Variants in RELN observed in about 807,000 individuals in gnomAD.
RELN encodes the protein reelin.
Under a neutral mutation model 427.6 loss-of-function variants are expected in RELN, and 108 were observed. That is an observed-to-expected ratio of 0.25 (90% CI 0.22 to 0.30). The LOEUF (loss-of-function observed/expected upper bound fraction) is 0.30, where lower values mean the gene tolerates loss of function less well. Among genes scored for constraint, RELN ranks in the 10% least tolerant of loss-of-function variants. The pLI is 1.00. For synonymous variants in RELN, 1,524 were observed against 1,513.4 expected (o/e 1.01, Z -0.16); for missense variants, 3,715 against 4,302.8 (o/e 0.86, Z 3.82).
intron 1 of RELN, among the ~76,000 whole-genome samples, chr7:103,927,973 A>T (rs1795783098): frequency 6.6e-6 from 1 of 151,936 alleles, no homozygotes; most frequent in Admixed American, 6.6e-5. Flanking sequence ...AGTAAATCTT[A>T]ATCTACCCTT....
intron 54 of RELN, 27 bp downstream of exon 54, chr7:103,498,050 G>A: frequency 6.2e-7 from 1 of 1,612,096 alleles, no homozygotes; most frequent in Non-Finnish European, 8.5e-7. Context: ...TGGTGCAATA[G>A]AAATAACTAA....
chr7:103,708,914 C>T (rs761233547), intron 8 of RELN, among the ~76,000 whole-genome samples: 13 of 152,054 alleles, frequency 8.5e-5, no homozygotes, highest in Non-Finnish European at 1.6e-4. Flanking sequence ...TTTATTACTC[C>T]CTGACATGTC....
intron 45 of RELN, among the ~76,000 whole-genome samples, chr7:103,537,710 T>C (rs362741): frequency 0.049 from 7,498 of 152,224 alleles, 232 homozygotes; most frequent in South Asian, 0.15. Context: ...ATCACCACAC[T>C]GTACTCTTCT....
chr7:103,775,521 G>C (rs910847271), intron 4 of RELN, among the ~76,000 whole-genome samples: 1 of 151,894 alleles, frequency 6.6e-6, no homozygotes, highest in Non-Finnish European at 1.5e-5. Context: ...CATTTCTCTT[G>C]AAAGCCCATC....
intron 1 of RELN, among the ~76,000 whole-genome samples, chr7:103,929,357 T>C (rs1020414498): frequency 7.2e-5 from 11 of 152,168 alleles, no homozygotes; most frequent in Non-Finnish European, 2.9e-5. Flanking sequence ...ACTTTTCATT[T>C]GGAATAACCT....
chr7:103,648,948 G>A (rs946489277), intron 16 of RELN, among the ~76,000 whole-genome samples: 1 of 152,012 alleles, frequency 6.6e-6, no homozygotes, highest in African/African-American at 2.4e-5. Context: ...AGATACTGGT[G>A]AGGACGTGGG....
chr7:103,718,139 T>A (rs1167390085), intron 8 of RELN, among the ~76,000 whole-genome samples: 1 of 152,106 alleles, frequency 6.6e-6, no homozygotes, highest in Non-Finnish European at 1.5e-5. Context: ...TAATTTCCAG[T>A]TTTTATTTTT....
chr7:103,611,672 T>C lies in RELN; in HGVS notation c.2834A>G (p.Asp945Gly). 2 of 1,613,896 alleles carry C rather than the reference T, an allele frequency of 1.2e-6. No homozygotes were observed. The highest frequency in any genetic ancestry group is 1.7e-6 in the Non-Finnish European group (2 of 1,179,936). The part of the protein sequence containing the change: ...GCGQKYTPHM[D>G]NQVKLEYSTN... ...TGAGTACTCCAGCTTCACCTGGTTG[T>C]CCATGTGTGGGGTGTATTTCTGGCC... is the stretch of plus-strand genomic sequence containing the variant. Residue 945 changes from aspartate to glycine, a missense_variant, in exon 21 of 65, where the codon GAC (aspartate) becomes GGC (glycine). Asp to Gly is a moderately conservative substitution (Grantham distance 94). Coordinates refer to ENST00000428762, the MANE Select transcript of RELN (RefSeq NM_005045.4).
chr7:103,969,607 CTTAGCCATA>C (rs1190185274), intron 1 of RELN, among the ~76,000 whole-genome samples: 2 of 152,152 alleles, frequency 1.3e-5, no homozygotes, highest in Non-Finnish European at 1.5e-5. Flanking sequence ...TATCACTCTT[CTTAGCCATA>C]AATTTCAAAT....
chr7:103,851,061 CA>C (rs1304312323), intron 2 of RELN, among the ~76,000 whole-genome samples: 3 of 152,276 alleles, frequency 2.0e-5, no homozygotes, highest in Non-Finnish European at 2.9e-5. Context: ...ATTCACATTG[CA>C]AAATCGTGGA....
At chr7:103,496,799 A>G in intron 55 of RELN, 31 bp from the exon 56 acceptor site, 2 of 1,611,406 alleles carry the variant, frequency 1.2e-6, no homozygotes, top group Non-Finnish European at 1.7e-6. Context: ...ACATAGCAAT[A>G]TATCTAGAAT....
At chr7:103,651,554 G>A in intron 15 of RELN, 107 bp downstream of exon 15, 4 of 1,081,904 alleles carry the variant, frequency 3.7e-6, no homozygotes, top group Non-Finnish European at 5.7e-6. Context: ...AAAGAGGTTA[G>A]GTTTCTTACC....
chr7:103,602,429 T>C (rs971994754), intron 24 of RELN, among the ~76,000 whole-genome samples: 2 of 152,182 alleles, frequency 1.3e-5, no homozygotes, highest in Admixed American at 6.5e-5. Context: ...TTGGAACCAA[T>C]CCAAATGCCC....
intron 2 of RELN, among the ~76,000 whole-genome samples, chr7:103,876,229 T>A (rs1011125844): frequency 1.3e-5 from 2 of 152,162 alleles, no homozygotes; most frequent in Non-Finnish European, 2.9e-5. Context: ...AGATGAAACG[T>A]TAGAATGTAT....
chr7:103,849,639 T>C (rs28418870), intron 2 of RELN, among the ~76,000 whole-genome samples: 21,201 of 152,176 alleles, frequency 0.14, 1,673 homozygotes, highest in East Asian at 0.29. Context: ...TGTAAGTACA[T>C]GTCTCTCTTT....
intron 2 of RELN, among the ~76,000 whole-genome samples, chr7:103,893,024 G>A (rs1417134058): frequency 6.6e-6 from 1 of 152,116 alleles, no homozygotes; most frequent in Non-Finnish European, 1.5e-5. Context: ...GGGTCTTCAA[G>A]GGAGACCAAA....
intron 25 of RELN, 26 bp from the exon 26 acceptor site, chr7:103,594,518 T>C: frequency 6.2e-7 from 1 of 1,609,844 alleles, no homozygotes; most frequent in Non-Finnish European, 8.5e-7. Flanking sequence ...TCATTTACGG[T>C]TGGGAAAACA....
chr7:103,966,802 A>T (rs1796669489), intron 1 of RELN, among the ~76,000 whole-genome samples: 1 of 152,226 alleles, frequency 6.6e-6, no homozygotes, highest in African/African-American at 2.4e-5. Context: ...TGACTCACAC[A>T]TCTTTCCCTT....
At position 103,495,670 on chromosome 7, in the gene RELN, C is replaced by T. The variant is rs1408898680; in HGVS notation, c.9369+53G>A. Reference sequence around the variant, plus strand: ...AGTTGTCTGACTAACCATTCTCCCTCGAGGCCCCAAATGCAATGCTACTTT... The same window carrying T: ...AGTTGTCTGACTAACCATTCTCCCTTGAGGCCCCAAATGCAATGCTACTTT... On this transcript the variant is annotated intron_variant, in intron 57 of 64. Coordinates refer to ENST00000428762, the MANE Select transcript of RELN (RefSeq NM_005045.4). The T allele has an allele frequency of 1.8e-5, 28 of 1,536,722 alleles. No individual in the cohort carries two copies. In the East Asian group the frequency reaches 2.2e-4, roughly 12 times the overall value.
Sources: gnomAD v4.1 joint callset for allele counts (sites outside exome capture counted in the v4.1 genomes callset) on GRCh38, gnomAD v4.1.1 for gene constraint, MANE v1.5 for transcripts, NCBI Gene and HGNC (gene_info 2026-07-23, HGNC 2026-07-21) for gene names.